STRN: variants seen among roughly 807,000 people sequenced by gnomAD.
STRN encodes the protein striatin.
Under a neutral mutation model 96.3 loss-of-function variants are expected in STRN, and 53 were observed. That is an observed-to-expected ratio of 0.55 (90% CI 0.44 to 0.69). The LOEUF is 0.69. Among genes scored for constraint, STRN ranks in the 30% least tolerant of loss-of-function variants. STRN has a pLI of 0.00. For missense variants in STRN, 987 were observed against 963.9 expected (o/e 1.02, Z -0.32); for synonymous variants, 428 against 355.9 (o/e 1.20, Z -2.28).
chr2:36,959,661 CAGAA>C (rs1196680366), intron 1 of STRN, among the ~76,000 whole-genome samples: 2 of 152,096 alleles, frequency 1.3e-5, no homozygotes, highest in Non-Finnish European at 2.9e-5. Context: ...ATGCTATCAT[CAGAA>C]AGAACAATGG....
chr2:36,958,932 C>A (rs1020432509), intron 1 of STRN, among the ~76,000 whole-genome samples: 1 of 152,120 alleles, frequency 6.6e-6, no homozygotes, highest in East Asian at 1.9e-4. Flanking sequence ...CTAGCTGACA[C>A]AGTGAAACCC....
rs1668168420 is a variant in STRN at position 36,849,590 on chromosome 2, T to C, written c.2209A>G (p.Ser737Gly). 6.2e-7 allele frequency: 1 copy of C among 1,614,164 alleles called. No homozygotes were observed. The highest frequency in any genetic ancestry group is 8.5e-7 in the Non-Finnish European group (1 of 1,180,002). Reference protein sequence around the residue: ...DCSIRLWNLESKTCIQEFTAH... With the variant: ...DCSIRLWNLEGKTCIQEFTAH... ...GTGAATTCTTGGATACACGTCTTAC[T>C]TTCTAGATTCCATAAACGTATTGAA... Residue 737 changes from serine to glycine, a missense_variant, in exon 18 of 18, where the codon AGT (serine) becomes GGT (glycine). Physicochemically the swap from Ser to Gly is moderately conservative, Grantham distance 56 (BLOSUM62 0). Coordinates refer to ENST00000263918, the MANE Select transcript of STRN (RefSeq NM_003162.4).
At chr2:36,957,150 A>T (rs1029889894) in intron 1 of STRN, among the ~76,000 whole-genome samples, 17 of 152,200 alleles carry the variant, frequency 1.1e-4, no homozygotes, top group Non-Finnish European at 2.1e-4. Context: ...CTAATAGGTG[A>T]TATACCTCAC....
At chr2:36,941,703 C>T (rs1347066440) in intron 1 of STRN, among the ~76,000 whole-genome samples, 1 of 147,192 alleles carries the variant, frequency 6.8e-6, no homozygotes, top group Non-Finnish European at 1.5e-5. Flanking sequence ...GCGCCTGCCA[C>T]CCCACCCAGC....
At chr2:36,861,529 C>T (rs1668479212) in intron 12 of STRN, among the ~76,000 whole-genome samples, 1 of 151,790 alleles carries the variant, frequency 6.6e-6, no homozygotes, top group Non-Finnish European at 1.5e-5. Flanking sequence ...GGTTATAAAA[C>T]AAAACAAAAC....
At chr2:36,873,092 T>C (rs1460609450) in intron 10 of STRN, among the ~76,000 whole-genome samples, 1 of 152,190 alleles carries the variant, frequency 6.6e-6, no homozygotes, top group East Asian at 1.9e-4. Flanking sequence ...CTTTGGGTTA[T>C]GATTTCAAAG....
intron 1 of STRN, among the ~76,000 whole-genome samples, chr2:36,961,431 TA>T (rs1457782385): frequency 2.6e-5 from 4 of 152,216 alleles, no homozygotes; most frequent in African/African-American, 9.6e-5. Context: ...CCTGGCCCTC[TA>T]AAAACTGTTA....
rs1431269903 is a variant in STRN, at chr2:36,839,216, AATC to A, written c.*10237_*10239del. 2.0e-5 allele frequency among the ~76,000 whole-genome samples: 3 copies of A among 152,076 alleles called. No individual in the cohort carries two copies. Among genetic ancestry groups the A allele is most frequent in the East Asian group, 3.8e-4 (2 of 5,200 alleles). On this transcript the variant is annotated 3_prime_UTR_variant, in exon 18 of 18. Coordinates refer to ENST00000263918, the MANE Select transcript of STRN (RefSeq NM_003162.4). The stretch of plus-strand genomic sequence containing the variant: ...CACTTTCTTAACCTGAAAAACATCA[AATC>A]ATCCCCCTTCCCTGCTCTATTTTTT...
chr2:36,950,395 T>C (rs371756896), intron 1 of STRN, among the ~76,000 whole-genome samples: 1 of 152,214 alleles, frequency 6.6e-6, no homozygotes, highest in East Asian at 1.9e-4. Flanking sequence ...TTTGTATTTT[T>C]AGTAGAGATG....
At chr2:36,939,415 A>G (rs1484660828) in intron 1 of STRN, among the ~76,000 whole-genome samples, 3 of 152,170 alleles carry the variant, frequency 2.0e-5, no homozygotes, top group Non-Finnish European at 4.4e-5. Flanking sequence ...GTGGCTTACA[A>G]AGCACTTTCA....
intron 1 of STRN, among the ~76,000 whole-genome samples, chr2:36,951,714 T>C (rs1470136923): frequency 2.0e-5 from 3 of 152,170 alleles, no homozygotes; most frequent in Non-Finnish European, 4.4e-5. Context: ...CTACTGACCT[T>C]AGAGAAATAA....
At chr2:36,947,492 T>C (rs1010394493) in intron 1 of STRN, among the ~76,000 whole-genome samples, 5 of 150,474 alleles carry the variant, frequency 3.3e-5, no homozygotes, top group African/African-American at 7.3e-5. Context: ...ATTCCTACCT[T>C]TATTACAAAA....
chr2:36,924,572 GA>G (rs570391079), intron 2 of STRN, among the ~76,000 whole-genome samples: 82 of 152,066 alleles, frequency 5.4e-4, no homozygotes, highest in African/African-American at 1.7e-3. Context: ...GGCAGAGTAG[GA>G]AAAAAATGTT....
At chr2:36,884,448 G>A (rs537015049) in intron 8 of STRN, among the ~76,000 whole-genome samples, 2 of 152,246 alleles carry the variant, frequency 1.3e-5, no homozygotes, top group South Asian at 2.1e-4. Context: ...TTTAAATTAA[G>A]TTGCATTAAT....
intron 1 of STRN, among the ~76,000 whole-genome samples, chr2:36,930,246 G>C (rs1375116704): frequency 1.2e-4 from 18 of 151,860 alleles, no homozygotes; most frequent in Admixed American, 1.2e-3. Flanking sequence ...AGCCTGACCA[G>C]TATGATGAAA....
At chr2:36,864,899 G>A (rs1467043237) in intron 12 of STRN, among the ~76,000 whole-genome samples, 2 of 152,108 alleles carry the variant, frequency 1.3e-5, no homozygotes, top group Non-Finnish European at 2.9e-5. Flanking sequence ...ATTTTTAGCA[G>A]AGATGGGGTT....
At chr2:36,873,625 T>G (rs1006519013) in intron 10 of STRN, among the ~76,000 whole-genome samples, 1 of 151,972 alleles carries the variant, frequency 6.6e-6, no homozygotes, top group African/African-American at 2.4e-5. Flanking sequence ...ATTGAAAATT[T>G]TGGAAGAAAT....
chr2:36,953,681 C>T (rs1181751441), intron 1 of STRN, among the ~76,000 whole-genome samples: 1 of 152,136 alleles, frequency 6.6e-6, no homozygotes, highest in Non-Finnish European at 1.5e-5. Flanking sequence ...GGATTACAGG[C>T]GTGAGCCACC....
chr2:36,927,534 G>GA (rs1052585877), intron 1 of STRN, among the ~76,000 whole-genome samples: 1 of 143,598 alleles, frequency 7.0e-6, no homozygotes, highest in Admixed American at 7.0e-5. Context: ...AGGGGGGGGG[G>GA]GGTGGTAATC....
Sources: gnomAD v4.1 joint callset for allele counts (sites outside exome capture counted in the v4.1 genomes callset) on GRCh38, gnomAD v4.1.1 for gene constraint, MANE v1.5 for transcripts, NCBI Gene and HGNC (gene_info 2026-07-23, HGNC 2026-07-21) for gene names.